Variants in MAP3K13 observed in about 807,000 individuals in gnomAD.
MAP3K13 encodes the protein mitogen-activated protein kinase kinase kinase 13, also known as leucine zipper-bearing kinase.
A neutral mutation model predicts 104.0 loss-of-function variants in MAP3K13; 52 were observed. The ratio of observed to expected loss-of-function variants is 0.50; its 90% CI spans 0.40 to 0.63. The LOEUF (loss-of-function observed/expected upper bound fraction) is 0.63. Ranked by LOEUF, MAP3K13 falls within the 20% of genes least tolerant of loss-of-function variation. MAP3K13 has a pLI of 0.00. For missense variants in MAP3K13, 914 were observed against 1,218.5 expected (o/e 0.75, Z 3.72); for synonymous variants, 394 against 442.2 (o/e 0.89, Z 1.37).
intron 1 of MAP3K13, among the ~76,000 whole-genome samples, chr3:185,400,229 T>A (rs1314309301): frequency 2.6e-5 from 4 of 152,198 alleles, no homozygotes; most frequent in Non-Finnish European, 5.9e-5. Flanking sequence ...AACAACCACG[T>A]GATTTCCTTC....
intron 1 of MAP3K13, among the ~76,000 whole-genome samples, chr3:185,370,765 C>A (rs1397770344): frequency 1.6e-4 from 22 of 140,218 alleles, no homozygotes; most frequent in Admixed American, 1.3e-3. Flanking sequence ...AAAAAAAAAG[C>A]TTCCATTAGA....
chr3:185,469,799 G>A (rs528275855), intron 10 of MAP3K13, among the ~76,000 whole-genome samples: 4 of 152,266 alleles, frequency 2.6e-5, no homozygotes, highest in East Asian at 3.9e-4. Context: ...CAAGCTCCCC[G>A]GGTGATTTGT....
chr3:185,311,414 G>T (rs1255031115), intron 2 of MAP3K13, among the ~76,000 whole-genome samples: 1 of 152,076 alleles, frequency 6.6e-6, no homozygotes, highest in African/African-American at 2.4e-5. Context: ...GGAAAGACCA[G>T]CCCCCATGAT....
chr3:185,379,145 C>G (rs1443134970), intron 1 of MAP3K13, among the ~76,000 whole-genome samples: 1 of 152,098 alleles, frequency 6.6e-6, no homozygotes, highest in Admixed American at 6.5e-5. Context: ...TGACTTGCCA[C>G]CAAGGGAATG....
At chr3:185,391,710 GA>G (rs1173098741) in intron 1 of MAP3K13, among the ~76,000 whole-genome samples, 1 of 152,114 alleles carries the variant, frequency 6.6e-6, no homozygotes, top group East Asian at 1.9e-4. Context: ...ATGTAATTCT[GA>G]CCTTCTTTTC....
intron 2 of MAP3K13, among the ~76,000 whole-genome samples, chr3:185,293,906 G>A (rs1332426084): frequency 6.6e-6 from 1 of 152,082 alleles, no homozygotes; most frequent in Non-Finnish European, 1.5e-5. Flanking sequence ...AAGCCTATAT[G>A]CCTTATGGAT....
At chr3:185,356,285 T>C (rs1029871485) in intron 2 of MAP3K13, among the ~76,000 whole-genome samples, 11 of 152,254 alleles carry the variant, frequency 7.2e-5, no homozygotes, top group Non-Finnish European at 1.3e-4. Flanking sequence ...TTTGGTTTTC[T>C]TGAATAGGAT....
chr3:185,455,422 T>TATGA (rs1291767759), intron 7 of MAP3K13, among the ~76,000 whole-genome samples: 4 of 47,040 alleles, frequency 8.5e-5, no homozygotes, highest in Admixed American at 3.0e-4. Flanking sequence ...GAGATATATA[T>TATGA]GATATATATG....
At chr3:185,479,336 T>C (rs1718317503) in intron 12 of MAP3K13, among the ~76,000 whole-genome samples, 3 of 152,144 alleles carry the variant, frequency 2.0e-5, no homozygotes, top group Admixed American at 2.0e-4. Context: ...CTGATCAAAG[T>C]GTGTGTAGAC....
chr3:185,328,152 C>G (rs924588314), intron 2 of MAP3K13, among the ~76,000 whole-genome samples: 1 of 152,032 alleles, frequency 6.6e-6, no homozygotes. Context: ...TCAGATCAGC[C>G]GGTGGTTTGA....
chr3:185,469,494 A>G (rs1717648629), intron 10 of MAP3K13, among the ~76,000 whole-genome samples: 2 of 152,200 alleles, frequency 1.3e-5, no homozygotes, highest in Admixed American at 6.5e-5. Context: ...CTGCAGTACA[A>G]ATTGGCCAGC....
chr3:185,299,919 G>C lies in MAP3K13; in HGVS notation c.-86+14276G>C, dbSNP rs144067816. 8.2e-3 allele frequency among the ~76,000 whole-genome samples: 1,249 copies of C among 152,078 alleles called. 20 individuals are homozygous for C. The highest frequency in any genetic ancestry group is 0.026 in the African/African-American group (1,094 of 41,476). The stretch of plus-strand genomic sequence containing the variant: ...AAAGATACAGTACAGTAGTGTTAAC[G>C]GTATATATATTGTTGTGAAACAGAT... On this transcript the variant is annotated intron_variant, in intron 2 of 14. Transcript: ENST00000424227.
intron 1 of MAP3K13, among the ~76,000 whole-genome samples, chr3:185,378,050 G>A (rs2108755742): frequency 6.6e-6 from 1 of 152,326 alleles, no homozygotes; most frequent in African/African-American, 2.4e-5. Flanking sequence ...CGGTTCAGGT[G>A]TTTGGAGTTC....
intron 2 of MAP3K13, chr3:185,329,119 TTA>T: frequency 1.7e-6 from 1 of 594,032 alleles, no homozygotes; most frequent in South Asian, 1.7e-5. Context: ...AGCAGTAGTT[TTA>T]TTTTTTTTTA....
chr3:185,459,568 G>C (rs1452696240), intron 7 of MAP3K13, among the ~76,000 whole-genome samples: 2 of 151,970 alleles, frequency 1.3e-5, no homozygotes, highest in Non-Finnish European at 2.9e-5. Flanking sequence ...TCCTGCCTCA[G>C]CCTCCCACGT....
chr3:185,454,379 GATATATGAGAT>G (rs796526054), intron 7 of MAP3K13, among the ~76,000 whole-genome samples: 166 of 11,952 alleles, frequency 0.014, 19 homozygotes, highest in African/African-American at 0.019. Context: ...ATATATATGA[GATATATGAGAT>G]ATATATGAGA....
intron 2 of MAP3K13, among the ~76,000 whole-genome samples, chr3:185,327,462 A>G (rs982649490): frequency 6.6e-5 from 10 of 152,096 alleles, no homozygotes; most frequent in African/African-American, 1.7e-4. Context: ...GAAGATCCCC[A>G]GGATAGTGAA....
intron 8 of MAP3K13, among the ~76,000 whole-genome samples, chr3:185,464,682 T>A (rs1717308037): frequency 6.6e-6 from 1 of 152,200 alleles, no homozygotes; most frequent in Non-Finnish European, 1.5e-5. Flanking sequence ...CTTCTAGCAG[T>A]GTGAGAACAG....
At chr3:185,426,708 T>C (rs975497178) in intron 1 of MAP3K13, among the ~76,000 whole-genome samples, 2 of 152,178 alleles carry the variant, frequency 1.3e-5, no homozygotes, top group South Asian at 2.1e-4. Context: ...CAAGCTTCCA[T>C]GCCCTCCTTC....
Sources: gnomAD v4.1 joint callset for allele counts (sites outside exome capture counted in the v4.1 genomes callset) on GRCh38, gnomAD v4.1.1 for gene constraint, MANE v1.5 for transcripts, NCBI Gene and HGNC (gene_info 2026-07-23, HGNC 2026-07-21) for gene names.